The following NEDD9 variants were observed in gnomAD, a reference collection of about 807,000 sequenced individuals.
NEDD9 encodes the protein enhancer of filamentation 1.
A neutral mutation model predicts 76.6 loss-of-function variants in NEDD9; 26 were observed. That is an observed-to-expected ratio of 0.34 (90% confidence interval 0.25 to 0.47). NEDD9 has a LOEUF of 0.47. NEDD9 is among the 20% of genes least tolerant of loss of function. The probability of loss-of-function intolerance (pLI) is 1.00; values close to 1 mark genes in which losing one functional copy is unlikely to be tolerated. For synonymous variants in NEDD9, 392 were observed against 414.2 expected (o/e 0.95, Z 0.65); for missense variants, 937 against 1,058.5 (o/e 0.89, Z 1.59).
intron 3 of NEDD9, among the ~76,000 whole-genome samples, chr6:11,244,999 G>A (rs1759780779): frequency 6.6e-6 from 1 of 152,142 alleles, no homozygotes. Context: ...ACCCTCTACT[G>A]GAAAGTATTT....
chr6:11,315,997 G>A (rs1761544233), intron 2 of NEDD9, among the ~76,000 whole-genome samples: 1 of 152,182 alleles, frequency 6.6e-6, no homozygotes, highest in South Asian at 2.1e-4. Context: ...CTTAGGTAAT[G>A]TCTTGCTGGG....
At chr6:11,243,230 C>T (rs1759742733) in intron 3 of NEDD9, among the ~76,000 whole-genome samples, 1 of 152,176 alleles carries the variant, frequency 6.6e-6, no homozygotes, top group African/African-American at 2.4e-5. Flanking sequence ...CTTCTGACCC[C>T]TGTTCCATCA....
At chr6:11,254,756 G>T (rs1759971322) in intron 3 of NEDD9, among the ~76,000 whole-genome samples, 1 of 152,172 alleles carries the variant, frequency 6.6e-6, no homozygotes, top group Non-Finnish European at 1.5e-5. Flanking sequence ...AGCATTTCTA[G>T]CTGCTCTCTC....
chr6:11,362,454 C>T, intron 1 of NEDD9, among the ~76,000 whole-genome samples: 1 of 152,184 alleles, frequency 6.6e-6, no homozygotes, highest in Non-Finnish European at 1.5e-5. Flanking sequence ...CATTTATTAG[C>T]ATGTGTAGAC....
At chr6:11,319,722 ACT>A (rs1471455412) in intron 2 of NEDD9, among the ~76,000 whole-genome samples, 20 of 138,738 alleles carry the variant, frequency 1.4e-4, no homozygotes, top group South Asian at 5.2e-4. Flanking sequence ...AAACATGCAC[ACT>A]CACACACTAA....
chr6:11,362,981 A>G (rs1433678224), intron 1 of NEDD9, among the ~76,000 whole-genome samples: 1 of 152,238 alleles, frequency 6.6e-6, no homozygotes, highest in Non-Finnish European at 1.5e-5. Context: ...GGCAATCTGC[A>G]TTGATGATGC....
chr6:11,243,117 T>C (rs574039062), intron 3 of NEDD9, among the ~76,000 whole-genome samples: 1 of 152,242 alleles, frequency 6.6e-6, no homozygotes, highest in East Asian at 1.9e-4. Flanking sequence ...TTGCCACCTC[T>C]CCTTCCCCAA....
intron 3 of NEDD9, among the ~76,000 whole-genome samples, chr6:11,284,426 C>G (rs1760603643): frequency 6.9e-6 from 1 of 145,748 alleles, no homozygotes; most frequent in Non-Finnish European, 1.5e-5. Context: ...AGTAGCTGGG[C>G]ATGGTGGTGG....
At chr6:11,221,390 A>AAAAAAG (rs1263915533) in intron 1 of NEDD9, among the ~76,000 whole-genome samples, 3 of 151,704 alleles carry the variant, frequency 2.0e-5, no homozygotes, top group Non-Finnish European at 4.4e-5. Flanking sequence ...CATAAAAAAA[A>AAAAAAG]AAAAAGAAAA....
At chr6:11,230,580 A>T (rs993561305) in intron 1 of NEDD9, among the ~76,000 whole-genome samples, 1 of 152,252 alleles carries the variant, frequency 6.6e-6, no homozygotes, top group African/African-American at 2.4e-5. Context: ...GTTCATTATT[A>T]ACTAGAGAGA....
At chr6:11,278,288 C>T (rs1405520107) in intron 3 of NEDD9, among the ~76,000 whole-genome samples, 1 of 152,194 alleles carries the variant, frequency 6.6e-6, no homozygotes. Context: ...CTGCCTGTAA[C>T]GCTGACTGTG....
intron 3 of NEDD9, among the ~76,000 whole-genome samples, chr6:11,255,095 C>T (rs372740477): frequency 6.6e-6 from 1 of 152,098 alleles, no homozygotes; most frequent in African/African-American, 2.4e-5. Context: ...TAGAGTGAGA[C>T]AAATAAGTTC....
intron 1 of NEDD9, among the ~76,000 whole-genome samples, chr6:11,346,675 C>A (rs2113529281): frequency 6.6e-6 from 1 of 152,300 alleles, no homozygotes; most frequent in East Asian, 1.9e-4. Context: ...TAGATAGGAT[C>A]TGGACTGACT....
At chr6:11,209,970 C>CTTTTTTTT (rs752612102) in intron 2 of NEDD9, among the ~76,000 whole-genome samples, 2 of 131,124 alleles carry the variant, frequency 1.5e-5, no homozygotes, top group South Asian at 2.6e-4. Flanking sequence ...AATTCACTGT[C>CTTTTTTTT]TTTTTTTTTT....
chr6:11,295,290 T>C (rs1760864592), intron 3 of NEDD9, among the ~76,000 whole-genome samples: 1 of 152,228 alleles, frequency 6.6e-6, no homozygotes, highest in African/African-American at 2.4e-5. Flanking sequence ...TTGTTATTAT[T>C]GTATGAGTGC....
intron 4 of NEDD9, 38 bp downstream of exon 4, chr6:11,192,307 A>C: frequency 1.0e-6 from 1 of 997,464 alleles, no homozygotes. Context: ...AGACACACAC[A>C]CACACTCCTT....
rs148640113 is a variant in NEDD9 at position 11,246,274 on chromosome 6, C to T, written c.13-32547G>A. 4.6e-5 allele frequency among the ~76,000 whole-genome samples: 7 copies of T among 152,290 alleles called. No individual in the cohort carries two copies. In the South Asian group the frequency reaches 6.2e-4, roughly 14 times the overall value. On this transcript the variant is annotated intron_variant, in intron 3 of 3. Transcript: ENST00000397378. Reference sequence around the variant, plus strand: ...GGCTCGGGGCCTGGCACAGGGCAGCCGGGAAGAGGCACAACTTGCCTCAGG... The same window carrying T: ...GGCTCGGGGCCTGGCACAGGGCAGCTGGGAAGAGGCACAACTTGCCTCAGG...
At chr6:11,321,505 A>T (rs1582028192) in intron 2 of NEDD9, among the ~76,000 whole-genome samples, 1 of 152,158 alleles carries the variant, frequency 6.6e-6, no homozygotes, top group South Asian at 2.1e-4. Flanking sequence ...TTATCGGCAG[A>T]TTTTCTTTGC....
intron 1 of NEDD9, among the ~76,000 whole-genome samples, chr6:11,346,870 C>A (rs772439845): frequency 4.6e-5 from 7 of 152,072 alleles, no homozygotes; most frequent in Non-Finnish European, 1.0e-4. Context: ...TGGCTTCAGC[C>A]CAGAGCATCT....
Sources: gnomAD v4.1 joint callset for allele counts (sites outside exome capture counted in the v4.1 genomes callset) on GRCh38, gnomAD v4.1.1 for gene constraint, MANE v1.5 for transcripts, NCBI Gene and HGNC (gene_info 2026-07-23, HGNC 2026-07-21) for gene names.